FANCC: variants seen among roughly 807,000 people sequenced by gnomAD.
The protein encoded by FANCC is FA complementation group C, also known as Fanconi anemia group C protein.
A neutral mutation model predicts 71.3 loss-of-function variants in FANCC; 55 were observed. The observed-to-expected ratio is 0.77, with a 90% CI of 0.62 to 0.97. The LOEUF is 0.97. Ranked by LOEUF, FANCC falls within the 50% of genes least tolerant of loss-of-function variation. The pLI is 0.00. For missense variants in FANCC, 678 were observed against 670.9 expected, an observed-to-expected ratio of 1.01 and a Z score of -0.12; for synonymous variants, 275 against 244.9, an observed-to-expected ratio of 1.12 and a Z score of -1.15.
intron 1 of FANCC, among the ~76,000 whole-genome samples, chr9:95,301,943 G>T (rs1270171008): frequency 1.3e-5 from 2 of 149,674 alleles, no homozygotes; most frequent in African/African-American, 4.9e-5. Flanking sequence ...TTAGCCAGGC[G>T]CGGTGGCGGG....
At chr9:95,177,666 A>AT (rs891741762) in intron 4 of FANCC, among the ~76,000 whole-genome samples, 31 of 151,566 alleles carry the variant, frequency 2.0e-4, no homozygotes, top group South Asian at 1.0e-3. Context: ...TAATTTTTTA[A>AT]TTTTTTTTTA....
At chr9:95,118,443 A>G (rs746800017) in intron 10 of FANCC, among the ~76,000 whole-genome samples, 5 of 152,264 alleles carry the variant, frequency 3.3e-5, no homozygotes, top group Admixed American at 1.3e-4. Context: ...GGTAAAATCT[A>G]TAACGCATGG....
chr9:95,307,087 G>A (rs1835112047), intron 1 of FANCC, among the ~76,000 whole-genome samples: 1 of 152,094 alleles, frequency 6.6e-6, no homozygotes, highest in African/African-American at 2.4e-5. Flanking sequence ...GTTTCGCCAT[G>A]TTGCCCAGGC....
At chr9:95,176,631 G>A (rs1366687093) in intron 4 of FANCC, among the ~76,000 whole-genome samples, 1 of 152,238 alleles carries the variant, frequency 6.6e-6, no homozygotes, top group Non-Finnish European at 1.5e-5. Context: ...GAAAATCCCA[G>A]GCTCAGTTTT....
chr9:95,261,463 A>G (rs1832041132), intron 1 of FANCC, among the ~76,000 whole-genome samples: 1 of 152,242 alleles, frequency 6.6e-6, no homozygotes, highest in African/African-American at 2.4e-5. Context: ...GTTTTATAAC[A>G]TATTTCCTGA....
intron 6 of FANCC, among the ~76,000 whole-genome samples, chr9:95,154,018 G>C (rs1364524512): frequency 1.3e-5 from 2 of 151,966 alleles, no homozygotes; most frequent in African/African-American, 4.8e-5. Context: ...GGCCGAGGAG[G>C]GCAGATCACC....
In FANCC at chr9:95,242,140, A is replaced by G. The variant is rs143861998; in HGVS notation, c.251-1397T>C. On this transcript the variant is annotated intron_variant, in intron 3 of 14. Coordinates refer to ENST00000289081, the MANE Select transcript of FANCC (RefSeq NM_000136.3). ...TCCAATAACTAACATCTCTGAAAAA[A>G]CTTTATCAGGGGTTATTCTGAGGCC... Among the ~76,000 whole-genome samples the G allele has an allele frequency of 7.9e-5, 12 of 152,170 alleles. No individual in the cohort carries two copies. The East Asian group carries it at 1.7e-3, about 22-fold the overall frequency.
At chr9:95,315,187 G>A (rs1166160272) in intron 1 of FANCC, among the ~76,000 whole-genome samples, 2 of 152,310 alleles carry the variant, frequency 1.3e-5, no homozygotes, top group Non-Finnish European at 2.9e-5. Context: ...ACCATTGCCT[G>A]CTAGCCCCCA....
At chr9:95,309,888 G>A (rs1271671975) in intron 1 of FANCC, among the ~76,000 whole-genome samples, 1 of 152,144 alleles carries the variant, frequency 6.6e-6, no homozygotes, top group Non-Finnish European at 1.5e-5. Flanking sequence ...AAAAAGAAGA[G>A]ATAGCTAGGT....
intron 1 of FANCC, among the ~76,000 whole-genome samples, chr9:95,255,745 C>T (rs1831616626): frequency 1.3e-5 from 2 of 152,008 alleles, no homozygotes; most frequent in South Asian, 2.1e-4. Context: ...TAATAACAAA[C>T]TCCTCCAAGC....
chr9:95,147,178 G>T (rs1303348673), intron 7 of FANCC, among the ~76,000 whole-genome samples: 1 of 152,056 alleles, frequency 6.6e-6, no homozygotes, highest in African/African-American at 2.4e-5. Flanking sequence ...CTTTAAAAAT[G>T]AGGATTAAAA....
chr9:95,146,722 T>G (rs1279977826), intron 7 of FANCC, among the ~76,000 whole-genome samples: 1 of 151,924 alleles, frequency 6.6e-6, no homozygotes, highest in African/African-American at 2.4e-5. Flanking sequence ...TTTCAAACAC[T>G]GCAGACAGAG....
intron 1 of FANCC, among the ~76,000 whole-genome samples, chr9:95,291,354 T>G (rs1040124947): frequency 6.6e-6 from 1 of 152,018 alleles, no homozygotes; most frequent in African/African-American, 2.4e-5. Flanking sequence ...CTATTAGAAC[T>G]AATAAATGAA....
rs1389222142 is a variant in FANCC at position 95,107,278 on chromosome 9, TAGTATTTCAC to T, written c.1330-19_1330-10del. ...ACGGCCTTCACCTGGACCTGGGCAATAGTATTTCACAGGGGAGAGGTTAGGAAGAGGCAGG... is the reference window on the plus strand; with the variant it reads ...ACGGCCTTCACCTGGACCTGGGCAATAGGGGAGAGGTTAGGAAGAGGCAGG... On this transcript the variant is annotated splice_polypyrimidine_tract_variant and intron_variant, in intron 13 of 14. Coordinates refer to ENST00000289081, the MANE Select transcript of FANCC (RefSeq NM_000136.3). 1 of 1,613,026 alleles carries T rather than the reference TAGTATTTCAC, an allele frequency of 6.2e-7. No individual in the cohort carries two copies. The highest frequency in any genetic ancestry group is 1.7e-5 in the Admixed American group (1 of 59,940).
At chr9:95,157,928 A>C (rs7037729) in intron 6 of FANCC, among the ~76,000 whole-genome samples, 5,627 of 152,230 alleles carry the variant, frequency 0.037, 306 homozygotes, top group African/African-American at 0.12. Flanking sequence ...ATGTCCCCAG[A>C]ACCACAGTCT....
rs559652569 is a variant in FANCC, at chr9:95,228,330, ATT to A, written c.345+12317_345+12318del. Among the ~76,000 whole-genome samples the A allele has an allele frequency of 1.3e-4, 20 of 152,076 alleles. No individual in the cohort carries two copies. In the South Asian group the frequency reaches 4.2e-3, roughly 32 times the overall value. On this transcript the variant is annotated intron_variant, in intron 4 of 14. Transcript: ENST00000289081. ...AGTCCTCCAAAATGCGTCCCAAACT[ATT>A]TTTCTAACCTTAACTTCTCCCTCTA...
At chr9:95,198,340 G>A (rs1396607808) in intron 4 of FANCC, among the ~76,000 whole-genome samples, 1 of 152,148 alleles carries the variant, frequency 6.6e-6, no homozygotes, top group Non-Finnish European at 1.5e-5. Flanking sequence ...CCATATAATA[G>A]CAAACTGTCA....
intron 7 of FANCC, 76 bp from the exon 8 acceptor site, chr9:95,135,578 G>T: frequency 7.9e-7 from 1 of 1,259,334 alleles, no homozygotes; most frequent in Non-Finnish European, 1.1e-6. Context: ...AGTTCAAAAT[G>T]CAATCACTAA....
chr9:95,150,598 G>A (rs1830121700), intron 6 of FANCC, among the ~76,000 whole-genome samples: 2 of 152,130 alleles, frequency 1.3e-5, no homozygotes, highest in Non-Finnish European at 2.9e-5. Flanking sequence ...CACTCCTATA[G>A]TTTAACATCA....
Sources: gnomAD v4.1 joint callset for allele counts (sites outside exome capture counted in the v4.1 genomes callset) on GRCh38, gnomAD v4.1.1 for gene constraint, MANE v1.5 for transcripts, NCBI Gene and HGNC (gene_info 2026-07-23, HGNC 2026-07-21) for gene names.